UNC13C: variants seen among roughly 807,000 people sequenced by gnomAD.
UNC13C encodes protein unc-13 homolog C.
In UNC13C, 174 loss-of-function variants were observed where a neutral mutation model predicts 245.4. The ratio of observed to expected loss-of-function variants is 0.71; its 90% CI spans 0.63 to 0.80. The LOEUF is 0.80. Ranked by LOEUF, UNC13C falls within the 30% of genes least tolerant of loss-of-function variation. UNC13C has a pLI of 0.00. For missense variants in UNC13C, 2,829 were observed against 2,602.9 expected (o/e 1.09, Z -1.89); for synonymous variants, 992 against 895.1 (o/e 1.11, Z -1.93).
intron 30 of UNC13C, among the ~76,000 whole-genome samples, chr15:54,617,056 A>G (rs949332105): frequency 2.0e-5 from 3 of 152,100 alleles, no homozygotes; most frequent in African/African-American, 7.2e-5. Context: ...TAGAAGTGTC[A>G]TAGGCTATAC....
chr15:54,554,525 G>A (rs1335262734), intron 28 of UNC13C, among the ~76,000 whole-genome samples: 1 of 151,940 alleles, frequency 6.6e-6, no homozygotes, highest in Non-Finnish European at 1.5e-5. Flanking sequence ...GTTCCCCCAC[G>A]TGGGACTTTT....
At chr15:53,883,197 T>A in the UNC13C span, among the ~76,000 whole-genome samples, 14 of 152,194 alleles carry the variant, frequency 9.2e-5, no homozygotes, top group African/African-American at 3.4e-4. Flanking sequence ...AAATTTATTA[T>A]CTTACTATGA....
chr15:54,059,672 CA>C (rs946695384), intron 2 of UNC13C, among the ~76,000 whole-genome samples: 1 of 151,898 alleles, frequency 6.6e-6, no homozygotes, highest in African/African-American at 2.4e-5. Flanking sequence ...AATCCTAAGC[CA>C]AAAAAACAAA....
At chr15:53,857,768 T>G in the UNC13C span, among the ~76,000 whole-genome samples, 2 of 152,168 alleles carry the variant, frequency 1.3e-5, no homozygotes, top group African/African-American at 4.8e-5. Flanking sequence ...GGCAGATGAT[T>G]AGGAGGAAAA....
At chr15:54,108,649 C>G (rs1415777269) in intron 2 of UNC13C, among the ~76,000 whole-genome samples, 1 of 152,150 alleles carries the variant, frequency 6.6e-6, no homozygotes, top group Non-Finnish European at 1.5e-5. Flanking sequence ...AGATTTACCT[C>G]CAGTGCTAGA....
At chr15:54,006,386 A>AAT (rs746154185) in intron 1 of UNC13C, among the ~76,000 whole-genome samples, 30 of 152,320 alleles carry the variant, frequency 2.0e-4, no homozygotes, top group Non-Finnish European at 3.8e-4. Flanking sequence ...GTTTTTAAAA[A>AAT]ATAGTATATT....
intron 4 of UNC13C, among the ~76,000 whole-genome samples, chr15:54,181,019 T>A (rs1340984354): frequency 6.6e-6 from 1 of 152,040 alleles, no homozygotes; most frequent in Non-Finnish European, 1.5e-5. Context: ...TGCCAACTTT[T>A]GTTTATGTTG....
chr15:54,588,861 G>A (rs574832577), intron 30 of UNC13C, among the ~76,000 whole-genome samples: 32 of 152,040 alleles, frequency 2.1e-4, no homozygotes, highest in African/African-American at 5.5e-4. Flanking sequence ...ATATATATAC[G>A]AGTTTCTTTA....
chr15:54,457,964 T>C (rs1346607369), intron 19 of UNC13C, among the ~76,000 whole-genome samples: 1 of 150,966 alleles, frequency 6.6e-6, no homozygotes, highest in Non-Finnish European at 1.5e-5. Flanking sequence ...TCCAGTTCCT[T>C]GAGGTGTGAG....
intron 18 of UNC13C, among the ~76,000 whole-genome samples, chr15:54,406,063 A>G (rs2040286153): frequency 1.3e-5 from 2 of 152,178 alleles, no homozygotes; most frequent in Admixed American, 1.3e-4. Context: ...AACAAGATCC[A>G]TTAACAAGAG....
At chr15:53,895,858 C>T in the UNC13C span, among the ~76,000 whole-genome samples, 1 of 151,976 alleles carries the variant, frequency 6.6e-6, no homozygotes, top group African/African-American at 2.4e-5. Context: ...ATTGTTCAAT[C>T]TTAATGTCTT....
At chr15:54,535,952 C>A (rs2141157046) in intron 26 of UNC13C, among the ~76,000 whole-genome samples, 2 of 151,934 alleles carry the variant, frequency 1.3e-5, no homozygotes, top group East Asian at 3.9e-4. Flanking sequence ...CATAAACCAA[C>A]CGAAAAGCCA....
At chr15:54,228,146 A>T (rs139054085) in intron 4 of UNC13C, among the ~76,000 whole-genome samples, 1 of 152,280 alleles carries the variant, frequency 6.6e-6, no homozygotes, top group African/African-American at 2.4e-5. Context: ...CCCTAGGCCC[A>T]TAGTGAGTAC....
chr15:54,108,303 C>T (rs1180036472), intron 2 of UNC13C, among the ~76,000 whole-genome samples: 1 of 152,156 alleles, frequency 6.6e-6, no homozygotes, highest in African/African-American at 2.4e-5. Context: ...TCTCCTGCCT[C>T]AGCCTCCCCA....
At chr15:54,585,252 C>T (rs1898428033) in intron 30 of UNC13C, among the ~76,000 whole-genome samples, 2 of 152,156 alleles carry the variant, frequency 1.3e-5, no homozygotes, top group Non-Finnish European at 2.9e-5. Context: ...TGGTACCCTC[C>T]TCATGGTAAT....
At chr15:54,171,025 C>G (rs1324151217) in intron 4 of UNC13C, among the ~76,000 whole-genome samples, 1 of 152,106 alleles carries the variant, frequency 6.6e-6, no homozygotes, top group African/African-American at 2.4e-5. Flanking sequence ...TGCAGTAAAA[C>G]AAGCCCTTTT....
At chr15:54,507,238 A>G (rs1413169501) in intron 23 of UNC13C, 44 bp downstream of exon 23, 2 of 1,296,060 alleles carry the variant, frequency 1.5e-6, no homozygotes, top group African/African-American at 1.5e-5. Context: ...CTCAGTTGAG[A>G]TTTACTTCTT....
intron 4 of UNC13C, among the ~76,000 whole-genome samples, chr15:54,154,883 C>T (rs1367562882): frequency 6.6e-6 from 1 of 152,018 alleles, no homozygotes; most frequent in Non-Finnish European, 1.5e-5. Flanking sequence ...AGGCTTCTGA[C>T]CAATATAAGA....
At chr15:54,311,717 A>G (rs2037877961) in intron 13 of UNC13C, among the ~76,000 whole-genome samples, 1 of 151,772 alleles carries the variant, frequency 6.6e-6, no homozygotes, top group Non-Finnish European at 1.5e-5. Context: ...ATGTACTCCT[A>G]ACTAGAAATT....
Sources: allele counts gnomAD v4.1 joint callset (sites outside exome capture counted in the v4.1 genomes callset), GRCh38; gene constraint gnomAD v4.1.1; transcripts MANE v1.5; gene names NCBI Gene and HGNC (gene_info 2026-07-23, HGNC 2026-07-21).